Variants in SETD5 observed in about 807,000 individuals in gnomAD.
SETD5 encodes the protein histone-lysine N-methyltransferase SETD5.
In SETD5, 44 loss-of-function variants were observed where a neutral mutation model predicts 153.3. That is an observed-to-expected ratio of 0.29 (90% CI 0.23 to 0.37). The LOEUF (loss-of-function observed/expected upper bound fraction) is 0.37. Ranked by LOEUF, SETD5 falls within the 10% of genes least tolerant of loss-of-function variation. SETD5 has a pLI of 1.00. For synonymous variants in SETD5, 716 were observed against 645.2 expected (o/e 1.11, Z -1.66); for missense variants, 1,544 against 1,768.0 (o/e 0.87, Z 2.27).
Position 9,440,662 on chromosome 3 carries a change from G to A in SETD5, c.774G>A (p.Leu258=), listed in dbSNP as rs2041159350. The change falls in exon 8 of 23, where the codon TTG becomes TTA. Residue 258 remains leucine (L), a synonymous_variant. Transcript: ENST00000402198. ...TAGACACTATTAATAAGACTGAATT[G>A]GCCTGTAATAACACAGTTATTGGTT... is the stretch of plus-strand genomic sequence containing the variant. ...TILDTINKTE[L]ACNNTVIGSQ... is the part of the protein sequence containing the mutation. The A allele has an allele frequency of 1.2e-6, 2 of 1,613,542 alleles. No individual in the cohort carries two copies. Among genetic ancestry groups the A allele is most frequent in the Non-Finnish European group, 1.7e-6 (2 of 1,179,752 alleles).
chr3:9,445,375 GT>G (rs1356169476), intron 12 of SETD5, 75 bp downstream of exon 12: 1 of 1,492,868 alleles, frequency 6.7e-7, no homozygotes, highest in Admixed American at 2.0e-5. Context: ...TTGCCGCATG[GT>G]TTAAGTAGGG....
At chr3:9,412,777 T>C (rs921972862) in intron 1 of SETD5, among the ~76,000 whole-genome samples, 1 of 151,514 alleles carries the variant, frequency 6.6e-6, no homozygotes, top group Non-Finnish European at 1.5e-5. Flanking sequence ...ATGGATGAAA[T>C]GAAATGTTAT....
intron 2 of SETD5, among the ~76,000 whole-genome samples, chr3:9,427,764 A>G (rs1328258694): frequency 3.3e-5 from 5 of 152,190 alleles, no homozygotes; most frequent in Non-Finnish European, 7.3e-5. Context: ...CCCCAAATAA[A>G]ATGCTTTTTG....
rs758124769 is a variant in SETD5 at position 9,470,512 on chromosome 3, C to T, written c.2778C>T (p.Asn926=). ...DLAKVGYLDS[N]TNSCADRPSL... is the part of the protein sequence containing the mutation. ...CAAAAGTAGGATACCTTGACTCCAA[C>T]ACTAACAGCTGTGCTGATAGACCTT... Residue 926 remains asparagine (N), a synonymous_variant, in exon 19 of 23, where the codon AAC becomes AAT. Coordinates refer to ENST00000402198, the MANE Select transcript of SETD5 (RefSeq NM_001080517.3). 7.4e-6 allele frequency: 12 copies of T among 1,613,964 alleles called. No homozygotes were observed. The South Asian group carries it at 1.3e-4, about 18-fold the overall frequency.
chr3:9,425,063 T>TTTTTC (rs1553612880), intron 2 of SETD5, among the ~76,000 whole-genome samples: 26 of 144,702 alleles, frequency 1.8e-4, no homozygotes, highest in African/African-American at 6.8e-4. Flanking sequence ...TTCTTTTTTT[T>TTTTTC]TTTTTTTTTT....
rs577659174 is a variant in SETD5 at position 9,445,857 on chromosome 3, T to G, written c.1524+117T>G. The G allele has an allele frequency of 3.7e-4, 213 of 573,352 alleles. 1 individual carries two copies. The highest frequency in any genetic ancestry group is 5.3e-4 in the Non-Finnish European group (191 of 361,842). The allele number at this position is 573,352 out of a possible 1,614,324, so 35.5% of individuals were successfully genotyped here. A position where few individuals can be genotyped will look rare whatever the true frequency, so the allele number is the denominator to read the frequency against. The stretch of plus-strand genomic sequence containing the variant: ...ATTGATTTGACCTGAAGGTTATAAT[T>G]TGGGCTTTTTCCGTAATAAAGATTT... On this transcript the variant is annotated intron_variant, in intron 13 of 22. Transcript: ENST00000402198.
At chr3:9,399,487 G>A (rs1200054616) in intron 1 of SETD5, among the ~76,000 whole-genome samples, 1 of 151,562 alleles carries the variant, frequency 6.6e-6, no homozygotes, top group Non-Finnish European at 1.5e-5. Context: ...GTTCTCTTCT[G>A]TAGCCAAAAA....
intron 3 of SETD5, chr3:9,432,274 T>G: frequency 1.0e-6 from 1 of 985,014 alleles, no homozygotes; most frequent in Non-Finnish European, 1.2e-6. Context: ...AGAAATTTCC[T>G]TTGCTGTTAT....
At chr3:9,474,712 C>T in intron 21 of SETD5, 130 bp downstream of exon 21, 4 of 1,282,208 alleles carry the variant, frequency 3.1e-6, no homozygotes, top group Non-Finnish European at 4.3e-6. Context: ...ATGCTAGGTT[C>T]CAGCCCACTT....
intron 1 of SETD5, among the ~76,000 whole-genome samples, chr3:9,418,420 C>T (rs1325877812): frequency 1.3e-5 from 2 of 152,148 alleles, no homozygotes; most frequent in African/African-American, 4.8e-5. Flanking sequence ...TAAGAAAGTA[C>T]TTTGGTTCTG....
chr3:9,447,535 T>G, intron 14 of SETD5, 151 bp from the exon 15 acceptor site: 2 of 1,063,390 alleles, frequency 1.9e-6, no homozygotes, highest in Non-Finnish European at 2.7e-6. Flanking sequence ...AGTGTATACA[T>G]TTTTGTATTT....
intron 1 of SETD5, 109 bp from the exon 2 acceptor site, chr3:9,424,357 GA>G (rs1031612465): frequency 3.6e-4 from 55 of 152,262 alleles, no homozygotes; most frequent in Admixed American, 2.6e-3. Flanking sequence ...ATAGATGTAG[GA>G]TGATAAACAA....
chr3:9,428,281 A>G (rs763798875), intron 2 of SETD5, among the ~76,000 whole-genome samples: 7 of 152,244 alleles, frequency 4.6e-5, no homozygotes, highest in Non-Finnish European at 7.3e-5. Flanking sequence ...AGAGTGTTCA[A>G]TGACAAAAGA....
At chr3:9,409,105 G>A (rs1016377995) in intron 1 of SETD5, among the ~76,000 whole-genome samples, 1 of 152,048 alleles carries the variant, frequency 6.6e-6, no homozygotes, top group Non-Finnish European at 1.5e-5. Flanking sequence ...TAATTGGTTG[G>A]AAAATGGAAG....
At chr3:9,449,255 T>A (rs2042360111) in intron 16 of SETD5, among the ~76,000 whole-genome samples, 1 of 152,196 alleles carries the variant, frequency 6.6e-6, no homozygotes, top group South Asian at 2.1e-4. Context: ...AGTTACTTAC[T>A]GTTTTTGGAT....
intron 1 of SETD5, among the ~76,000 whole-genome samples, chr3:9,407,198 C>T (rs530710794): frequency 9.2e-5 from 14 of 152,128 alleles, no homozygotes; most frequent in African/African-American, 1.7e-4. Flanking sequence ...CATGGTGGTG[C>T]GAGCTTGTAA....
chr3:9,462,251 C>A (rs2044041444), intron 17 of SETD5, among the ~76,000 whole-genome samples: 1 of 152,166 alleles, frequency 6.6e-6, no homozygotes, highest in East Asian at 1.9e-4. Context: ...CTCCTTCCAT[C>A]CACCAAGCCT....
intron 1 of SETD5, among the ~76,000 whole-genome samples, chr3:9,399,412 C>T (rs2034360882): frequency 6.6e-6 from 1 of 151,918 alleles, no homozygotes; most frequent in Non-Finnish European, 1.5e-5. Context: ...GGTTTCTGGG[C>T]TCCATAGAGG....
intron 2 of SETD5, among the ~76,000 whole-genome samples, chr3:9,428,250 A>G (rs758045130): frequency 6.6e-6 from 1 of 152,248 alleles, no homozygotes; most frequent in Non-Finnish European, 1.5e-5. Flanking sequence ...ATTATAGTTA[A>G]GATGATTTAA....
Sources: allele counts gnomAD v4.1 joint callset (sites outside exome capture counted in the v4.1 genomes callset), GRCh38; gene constraint gnomAD v4.1.1; transcripts MANE v1.5; gene names NCBI Gene and HGNC (gene_info 2026-07-23, HGNC 2026-07-21).